BCL2L13: variants seen among roughly 807,000 people sequenced by gnomAD.
BCL2L13 encodes bcl-2-like protein 13.
BCL2L13 carries 13 observed loss-of-function variants against 25.8 expected under a neutral mutation model. The observed-to-expected ratio is 0.50, with a 90% CI of 0.33 to 0.80. The LOEUF (loss-of-function observed/expected upper bound fraction) is 0.80, where lower values mean the gene tolerates loss of function less well. Ranked by LOEUF, BCL2L13 falls within the 30% of genes least tolerant of loss-of-function variation. The probability of loss-of-function intolerance (pLI) is 0.02; values close to 1 mark genes in which losing one functional copy is unlikely to be tolerated. For missense variants in BCL2L13, 504 were observed against 574.9 expected, an observed-to-expected ratio of 0.88 and a Z score of 1.26; for synonymous variants, 244 against 230.3, an observed-to-expected ratio of 1.06 and a Z score of -0.54.
chr22:17,654,872 C>T (rs2058803286), intron 1 of BCL2L13, among the ~76,000 whole-genome samples: 1 of 151,960 alleles, frequency 6.6e-6, no homozygotes, highest in Admixed American at 6.6e-5. Flanking sequence ...TAGGCAGGCC[C>T]TACCACGCCC....
rs2061332717 is a variant in BCL2L13 at position 17,727,565 on chromosome 22, T to TGTAA, written c.*33_*36dup. On this transcript the variant is annotated 3_prime_UTR_variant, in exon 7 of 7. Transcript: ENST00000317582. ...TTTTCAGAAGAGAAAGACAGAAGGA[T>TGTAA]GTAAGGTTGGAGTTGTATTGGCTGG... 6.2e-7 allele frequency: 1 copy of TGTAA among 1,609,166 alleles called. No homozygotes were observed. The highest frequency in any genetic ancestry group is 1.3e-5 in the African/African-American group (1 of 74,832).
At chr22:17,684,633 G>C (rs919405378) in intron 3 of BCL2L13, 5 of 453,382 alleles carry the variant, frequency 1.1e-5, no homozygotes, top group Admixed American at 2.4e-5. Flanking sequence ...GCACCATCTC[G>C]GCCCACCACA....
chr22:17,642,050 C>T (rs1433890404), intron 1 of BCL2L13, among the ~76,000 whole-genome samples: 1 of 151,378 alleles, frequency 6.6e-6, no homozygotes, highest in Non-Finnish European at 1.5e-5. Context: ...CTGCCCATGT[C>T]GGCCTCCCAA....
intron 1 of BCL2L13, among the ~76,000 whole-genome samples, chr22:17,641,241 T>C (rs2058272641): frequency 6.6e-6 from 1 of 152,194 alleles, no homozygotes; most frequent in East Asian, 1.9e-4. Flanking sequence ...AAAACACAAG[T>C]GTTAAACATT....
intron 1 of BCL2L13, among the ~76,000 whole-genome samples, chr22:17,631,706 ATTTTTTTTTTTTTTTT>A (rs71201849): frequency 0.011 from 120 of 10,870 alleles, no homozygotes; most frequent in African/African-American, 0.032. Flanking sequence ...ATATATATAT[ATTTTTTTTTTTTTTTT>A]TTTTTTTTTT....
intron 6 of BCL2L13, among the ~76,000 whole-genome samples, chr22:17,725,102 C>T (rs191066815): frequency 6.9e-4 from 105 of 152,338 alleles, no homozygotes; most frequent in African/African-American, 2.3e-3. Flanking sequence ...ATTGCTTTCA[C>T]TCAGACTTCC....
intron 3 of BCL2L13, among the ~76,000 whole-genome samples, chr22:17,684,145 A>G (rs2059839119): frequency 6.6e-6 from 1 of 152,092 alleles, no homozygotes. Context: ...GATATATTTT[A>G]CATACCATAA....
intron 6 of BCL2L13, among the ~76,000 whole-genome samples, chr22:17,717,707 G>C (rs2060987318): frequency 6.6e-6 from 1 of 152,170 alleles, no homozygotes; most frequent in Admixed American, 6.5e-5. Context: ...ATGATTCCCA[G>C]ATTTTTGGCT....
chr22:17,669,190 AC>A (rs201680356), intron 2 of BCL2L13, among the ~76,000 whole-genome samples: 2,903 of 151,312 alleles, frequency 0.019, 84 homozygotes, highest in African/African-American at 0.067. Flanking sequence ...TTGCCACCAC[AC>A]CCGGCTAGTT....
chr22:17,714,827 A>G (rs2060867646), intron 6 of BCL2L13, among the ~76,000 whole-genome samples: 3 of 151,934 alleles, frequency 2.0e-5, no homozygotes, highest in Non-Finnish European at 4.4e-5. Flanking sequence ...CAGGTCTAGA[A>G]TGGCAGGTTA....
intron 1 of BCL2L13, among the ~76,000 whole-genome samples, chr22:17,640,715 AT>A (rs869256686): frequency 1.3e-5 from 2 of 150,286 alleles, no homozygotes; most frequent in South Asian, 2.1e-4. Flanking sequence ...AAAAAAAAAA[AT>A]TAGCCAGGCA....
chr22:17,683,235 C>T lies in BCL2L13; in HGVS notation c.143C>T (p.Ser48Leu), dbSNP rs778376459. The change falls in exon 3 of 7, where the codon TCA becomes TTA. Residue 48 changes from serine to leucine, a missense_variant. Physicochemically the swap from Ser to Leu is moderately radical, Grantham distance 145. Coordinates refer to ENST00000317582, the MANE Select transcript of BCL2L13 (RefSeq NM_015367.4). Reference sequence around the variant, plus strand: ...TCAGGGGTTCAACTAGATATAGCTTCACAATCTCTGGATCAAGAAATTTTA... The same window carrying T: ...TCAGGGGTTCAACTAGATATAGCTTTACAATCTCTGGATCAAGAAATTTTA... Reference protein sequence around the residue: ...SPQGVQLDIASQSLDQEILLK... With the variant: ...SPQGVQLDIALQSLDQEILLK... 1.9e-6 allele frequency: 3 copies of T among 1,582,182 alleles called. No homozygotes were observed. The highest frequency in any genetic ancestry group is 1.1e-5 in the South Asian group (1 of 87,904).
At position 17,710,994 on chromosome 22, in the gene BCL2L13, G is replaced by T. The variant is rs577216290; in HGVS notation, c.600+8608G>T. On this transcript the variant is annotated intron_variant, in intron 6 of 6. Coordinates refer to ENST00000317582, the MANE Select transcript of BCL2L13 (RefSeq NM_015367.4). ...TCTAATGTCTTAGATGAGATGAAAA[G>T]ATCCTCTAGATGTGGAACAAAGAAC... is the stretch of plus-strand genomic sequence containing the variant. Among the ~76,000 whole-genome samples the T allele has an allele frequency of 2.6e-5, 4 of 152,262 alleles. No individual in the cohort carries two copies. In the South Asian group the frequency reaches 8.3e-4, roughly 32 times the overall value.
upstream of BCL2L13, among the ~76,000 whole-genome samples, chr22:17,637,884 T>C (rs530940516): frequency 6.6e-6 from 1 of 152,284 alleles, no homozygotes; most frequent in East Asian, 1.9e-4. Flanking sequence ...ACCTATAGTG[T>C]ACAATTCAGT....
intron 2 of BCL2L13, among the ~76,000 whole-genome samples, chr22:17,668,606 A>C (rs1460016252): frequency 6.6e-6 from 1 of 152,018 alleles, no homozygotes. Flanking sequence ...GGCATGCACC[A>C]CAGGCGTGCA....
chr22:17,724,171 G>A (rs2061231729), intron 6 of BCL2L13, among the ~76,000 whole-genome samples: 1 of 152,100 alleles, frequency 6.6e-6, no homozygotes, highest in African/African-American at 2.4e-5. Flanking sequence ...TACTCAGGAG[G>A]CTGAGGCTAG....
Position 17,709,975 on chromosome 22 carries a change from C to T in BCL2L13, c.600+7589C>T, listed in dbSNP as rs1270537694. On this transcript the variant is annotated intron_variant, in intron 6 of 6. Coordinates refer to ENST00000317582, the MANE Select transcript of BCL2L13 (RefSeq NM_015367.4). ...GTCCCATTTACTCAGGAGGCTGAGG[C>T]AGGAGGATCACTTGAGCCTGGGAGG... Among the ~76,000 whole-genome samples, 4 of 144,410 alleles carry T rather than the reference C, an allele frequency of 2.8e-5. No individual in the cohort carries two copies. In the South Asian group the frequency reaches 6.7e-4, roughly 24 times the overall value. 94.7% of individuals were successfully genotyped at this position (144,410 alleles called of 152,430 possible).
intron 2 of BCL2L13, among the ~76,000 whole-genome samples, chr22:17,664,415 A>ACC (rs35852549): frequency 6.6e-6 from 1 of 150,718 alleles, no homozygotes; most frequent in Non-Finnish European, 1.5e-5. Flanking sequence ...ATATATAGCC[A>ACC]CCCCCCCCCG....
At chr22:17,701,559 ATATTTTAC>A (rs550627362) in intron 5 of BCL2L13, among the ~76,000 whole-genome samples, 230 of 152,322 alleles carry the variant, frequency 1.5e-3, no homozygotes, top group African/African-American at 5.3e-3. Flanking sequence ...TAACAACTAT[ATATTTTAC>A]TGGATGACAA....
Sources: gnomAD v4.1 joint callset for allele counts (sites outside exome capture counted in the v4.1 genomes callset) on GRCh38, gnomAD v4.1.1 for gene constraint, MANE v1.5 for transcripts, NCBI Gene and HGNC (gene_info 2026-07-23, HGNC 2026-07-21) for gene names.